FAM83E: variants seen among roughly 807,000 people sequenced by gnomAD.
The protein encoded by FAM83E is protein FAM83E.
Under a neutral mutation model 34.3 loss-of-function variants are expected in FAM83E, and 29 were observed. The observed-to-expected ratio is 0.85, with a 90% CI of 0.63 to 1.15. FAM83E has a LOEUF of 1.15. Ranked by LOEUF, FAM83E falls within the 50% of genes most tolerant of loss-of-function variation. The pLI is 0.00. For synonymous variants in FAM83E, 312 were observed against 311.6 expected (o/e 1.00, Z -0.01); for missense variants, 697 against 685.0 (o/e 1.02, Z -0.20).
chr19:48,613,524 A>C lies in FAM83E; in HGVS notation c.-152T>G. 7.0e-7 allele frequency: 1 copy of C among 1,425,096 alleles called. No homozygotes were observed. The highest frequency in any genetic ancestry group is 9.1e-7 in the Non-Finnish European group (1 of 1,094,082). The allele number at this position is 1,425,096 out of a possible 1,614,324, so 88.3% of individuals were successfully genotyped here. A position where few individuals can be genotyped will look rare whatever the true frequency, so the allele number is the denominator to read the frequency against. On this transcript the variant is annotated 5_prime_UTR_variant, in exon 3 of 7. Transcript: ENST00000263266. ...CCGGCGGGGCCCTGCAGATGTCCAA[A>C]TGGCTCCCTGCAGCAGCCCCTGCCA... is the stretch of plus-strand genomic sequence containing the variant.
In FAM83E at chr19:48,614,837, G is replaced by C. The variant is rs1032503993; in HGVS notation, c.-1385C>G. On this transcript the variant is annotated splice_region_variant and 5_prime_UTR_variant, in exon 2 of 7. Transcript: ENST00000263266. ...CTTCTGGCCTCACTCATCAGGCCTC[G>C]ACCTGGAATCCAGGGAGCCCGGCCC... 6 of 974,822 alleles carry C rather than the reference G, an allele frequency of 6.2e-6. No homozygotes were observed. The Admixed American group carries it at 2.5e-4, about 40-fold the overall frequency. The allele number at this position is 974,822 out of a possible 1,614,324, so 60.4% of individuals were successfully genotyped here. A position where few individuals can be genotyped will look rare whatever the true frequency, so the allele number is the denominator to read the frequency against.
rs560890077 is a variant in FAM83E at position 48,603,781 on chromosome 19, G to C, written c.889C>G (p.Gln297Glu). 5.0e-5 allele frequency: 79 copies of C among 1,589,830 alleles called. No homozygotes were observed. The highest frequency in any genetic ancestry group is 3.8e-4 in the African/African-American group (28 of 72,758). The change falls in exon 6 of 7, where the codon CAG becomes GAG. Residue 297 changes from glutamine (Q) to glutamate (E), a missense_variant. Gln to Glu is a conservative substitution (Grantham distance 29). Transcript: ENST00000263266. ...AGGCCACCTATGACCGAGGGTTTCT[G>C]GGGGGGCGCAGGTGGGAGCGGGCAG... Reference protein sequence around the residue: ...ASCPLPPAPPQKPSVIGGLQR... With the variant: ...ASCPLPPAPPEKPSVIGGLQR...
At position 48,613,490 on chromosome 19, in the gene FAM83E, C is replaced by A. The variant is rs1974089969; in HGVS notation, c.-118G>T. 7 of 1,430,030 alleles carry A rather than the reference C, an allele frequency of 4.9e-6. 1 individual carries two copies. In the Admixed American group the frequency reaches 8.5e-5, roughly 17 times the overall value. 88.6% of individuals were successfully genotyped at this position (1,430,030 alleles called of 1,614,324 possible). On this transcript the variant is annotated 5_prime_UTR_variant, in exon 3 of 7. Coordinates refer to ENST00000263266, the MANE Select transcript of FAM83E (RefSeq NM_017708.4). ...TGATAGGCAGACCCTACGTGGCCAT[C>A]CGAGGCCTCCGGCGGGGCCCTGCAG...
In FAM83E at chr19:48,613,065, C is replaced by A. The variant is rs945947769; in HGVS notation, c.308G>T (p.Gly103Val). 1 of 1,606,636 alleles carries A rather than the reference C, an allele frequency of 6.2e-7. No individual in the cohort carries two copies. Among genetic ancestry groups the A allele is most frequent in the African/African-American group, 1.3e-5 (1 of 74,856 alleles). Residue 103 changes from glycine (G) to valine (V), a missense_variant, in exon 3 of 7, where the codon GGG becomes GTG. By Grantham distance (109) the Gly-to-Val change is moderately radical. Coordinates refer to ENST00000263266, the MANE Select transcript of FAM83E (RefSeq NM_017708.4). Reference protein sequence around the residue: ...VDAGSLSYWPGQSEQPAPVLR... With the variant: ...VDAGSLSYWPVQSEQPAPVLR... ...GACGGGCGCCGGCTGCTCCGACTGC[C>A]CAGGCCAGTAGCTCAGGCTGCCCGC...
In FAM83E at chr19:48,614,640, G is replaced by A. The variant is rs995391905; in HGVS notation, c.-1255-13C>T. 5.1e-6 allele frequency: 5 copies of A among 984,558 alleles called. No homozygotes were observed. The highest frequency in any genetic ancestry group is 1.7e-5 in the African/African-American group (1 of 57,224). The allele number at this position is 984,558 out of a possible 1,614,324, so 61.0% of individuals were successfully genotyped here. A position where few individuals can be genotyped will look rare whatever the true frequency, so the allele number is the denominator to read the frequency against. ...CCACAGCAGGGAGCTGCAAAGAGAAGAAAGGAGTCAAGGCAGGCCAGCCTC... is the reference window on the plus strand; with the variant it reads ...CCACAGCAGGGAGCTGCAAAGAGAAAAAAGGAGTCAAGGCAGGCCAGCCTC... On this transcript the variant is annotated splice_polypyrimidine_tract_variant and intron_variant, in intron 2 of 6. Transcript: ENST00000263266.
At position 48,603,658 on chromosome 19, in the gene FAM83E, C is replaced by G. The variant is rs780828161; in HGVS notation, c.1012G>C (p.Ala338Pro). Residue 338 changes from alanine to proline, a missense_variant, in exon 6 of 7, where the codon GCC becomes CCC. Coordinates refer to ENST00000263266, the MANE Select transcript of FAM83E (RefSeq NM_017708.4). ...GGGGTAGCAGGGGAGACGCGGCAGG[C>G]GGCCAGGCGGTGGGCCAGCGGGCCG... ...PDGPLAHRLAACRVSPATPGP... is the reference protein window; with the variant it reads ...PDGPLAHRLAPCRVSPATPGP... 2.3e-6 allele frequency: 3 copies of G among 1,311,298 alleles called. No homozygotes were observed. The Admixed American group carries it at 1.1e-4, about 48-fold the overall frequency. 81.2% of individuals were successfully genotyped at this position (1,311,298 alleles called of 1,614,324 possible). A position where few individuals can be genotyped will look rare whatever the true frequency, so the allele number is the denominator to read the frequency against.
chr19:48,600,049 A>G lies in FAM83E; in HGVS notation c.*1060T>C, dbSNP rs1027271844. On this transcript the variant is annotated 3_prime_UTR_variant, in exon 7 of 7. Transcript: ENST00000263266. The stretch of plus-strand genomic sequence containing the variant: ...CTCAGCGCCCACAGAAAGTCCCACC[A>G]CCCACCCTGTTCCCCTGTGGCTGTA... Among the ~76,000 whole-genome samples, 90 of 152,258 alleles carry G rather than the reference A, an allele frequency of 5.9e-4. No homozygotes were observed. The highest frequency in any genetic ancestry group is 2.0e-3 in the African/African-American group (84 of 41,556).
chr19:48,604,939 G>C (rs1327839286), intron 5 of FAM83E, among the ~76,000 whole-genome samples: 1 of 146,572 alleles, frequency 6.8e-6, no homozygotes, highest in Non-Finnish European at 1.5e-5. Flanking sequence ...AGAATTGCTT[G>C]AACCCGGGAG....
intron 4 of FAM83E, 47 bp from the exon 5 acceptor site, chr19:48,610,047 C>T: frequency 6.3e-7 from 1 of 1,594,984 alleles, no homozygotes. Context: ...AGGCCCACTG[C>T]ATGGATTCAG....
Position 48,614,859 on chromosome 19 carries a change from G to A in FAM83E, c.-1387-20C>T. 1 of 949,634 alleles carries A rather than the reference G, an allele frequency of 1.1e-6. No individual in the cohort carries two copies. The highest frequency in any genetic ancestry group is 1.3e-6 in the Non-Finnish European group (1 of 797,142). The allele number at this position is 949,634 out of a possible 1,614,324, so 58.8% of individuals were successfully genotyped here. ...CTCGACCTGGAATCCAGGGAGCCCG[G>A]CCCCTTGTGTAAACACAGGAGGGCC... On this transcript the variant is annotated intron_variant, in intron 1 of 6. Coordinates refer to ENST00000263266, the MANE Select transcript of FAM83E (RefSeq NM_017708.4).
Position 48,613,480 on chromosome 19 carries a change from A to T in FAM83E, c.-108T>A, listed in dbSNP as rs751482889. The T allele has an allele frequency of 1.5e-5, 21 of 1,431,886 alleles. No individual in the cohort carries two copies. The highest frequency in any genetic ancestry group is 4.3e-5 in the African/African-American group (3 of 69,698). 88.7% of individuals were successfully genotyped at this position (1,431,886 alleles called of 1,614,324 possible). A position where few individuals can be genotyped will look rare whatever the true frequency, so the allele number is the denominator to read the frequency against. On this transcript the variant is annotated 5_prime_UTR_variant, in exon 3 of 7. An upstream open reading frame in the 5' UTR loses its in-frame stop. Coordinates refer to ENST00000263266, the MANE Select transcript of FAM83E (RefSeq NM_017708.4). ...GGGGTTCTCCTGATAGGCAGACCCT[A>T]CGTGGCCATCCGAGGCCTCCGGCGG...
chr19:48,613,156 C>T lies in FAM83E; in HGVS notation c.217G>A (p.Asp73Asn). ...GGCTCCTGCTTGGCCACTGTCCAGT[C>T]TTCAGCTGCCGCTGCCAAGCCCTGA... Reference protein sequence around the residue: ...EVQGLAAAAEDWTVAKQEPSG... With the variant: ...EVQGLAAAAENWTVAKQEPSG... The change falls in exon 3 of 7, where the codon GAC (aspartate) becomes AAC (asparagine). Residue 73 changes from aspartate to asparagine, a missense_variant. Physicochemically the swap from Asp to Asn is conservative, Grantham distance 23 (BLOSUM62 1). Coordinates refer to ENST00000263266, the MANE Select transcript of FAM83E (RefSeq NM_017708.4). 1.9e-6 allele frequency: 3 copies of T among 1,612,044 alleles called. No homozygotes were observed. Among genetic ancestry groups the T allele is most frequent in the Non-Finnish European group, 2.5e-6 (3 of 1,179,894 alleles).
At chr19:48,603,269 G>C (rs1475624499) in intron 6 of FAM83E, among the ~76,000 whole-genome samples, 1 of 152,052 alleles carries the variant, frequency 6.6e-6, no homozygotes, top group Non-Finnish European at 1.5e-5. Context: ...TTGCACCCAG[G>C]GCTCTCCTGT....
rs374553536 is a variant in FAM83E at position 48,613,225 on chromosome 19, C to A, written c.148G>T (p.Val50Leu). 2 of 1,610,916 alleles carry A rather than the reference C, an allele frequency of 1.2e-6. No individual in the cohort carries two copies. Among genetic ancestry groups the A allele is most frequent in the Non-Finnish European group, 1.7e-6 (2 of 1,179,924 alleles). Residue 50 changes from valine to leucine, a missense_variant, in exon 3 of 7, where the codon GTG becomes TTG. Coordinates refer to ENST00000263266, the MANE Select transcript of FAM83E (RefSeq NM_017708.4). Reference protein sequence around the residue: ...SKGAEAFQTCVQREELWPFLS... With the variant: ...SKGAEAFQTCLQREELWPFLS... ...AAGGGCCACAGCTCCTCGCGCTGCACGCAGGTCTGGAACGCCTCCGCGCCC... is the reference window on the plus strand; with the variant it reads ...AAGGGCCACAGCTCCTCGCGCTGCAAGCAGGTCTGGAACGCCTCCGCGCCC...
intron 5 of FAM83E, among the ~76,000 whole-genome samples, chr19:48,606,465 C>T (rs995068066): frequency 1.1e-4 from 16 of 152,222 alleles, no homozygotes; most frequent in African/African-American, 3.9e-4. Flanking sequence ...TTTCCCCAGC[C>T]TTAGTTTACC....
chr19:48,609,783 C>T, intron 5 of FAM83E, 93 bp downstream of exon 5: 1 of 1,389,850 alleles, frequency 7.2e-7, no homozygotes, highest in South Asian at 1.2e-5. Context: ...AAAAGAGAGG[C>T]CTGGGCAAGG....
rs149710422 is a variant in FAM83E, at chr19:48,601,638, G to A, written c.1177-269C>T. ...AAATTAGCCTGAGGTGGTGGTGGGC[G>A]CCTGTAATCCTAGCTACTCGGGAGG... On this transcript the variant is annotated intron_variant, in intron 6 of 6. Transcript: ENST00000263266. 6.4e-3 allele frequency among the ~76,000 whole-genome samples: 974 copies of A among 152,106 alleles called. 16 individuals are homozygous for A. The highest frequency in any genetic ancestry group is 0.022 in the African/African-American group (915 of 41,478).
At position 48,603,838 on chromosome 19, in the gene FAM83E, T is replaced by G; in HGVS notation, c.832A>C (p.Ser278Arg). 2 of 1,609,060 alleles carry G rather than the reference T, an allele frequency of 1.2e-6. No individual in the cohort carries two copies. The highest frequency in any genetic ancestry group is 1.7e-6 in the Non-Finnish European group (2 of 1,177,770). Residue 278 changes from serine to arginine, a missense_variant, in exon 6 of 7, where the codon AGC (serine) becomes CGC (arginine). Physicochemically the swap from Ser to Arg is moderately radical, Grantham distance 110 (BLOSUM62 -1). Transcript: ENST00000263266. ...LLTGEIVDAF[S>R]LEFRTLYAAS... ...GCGTACAGCGTCCGGAACTCAAGGCTGAAGGCGTCAACAATTTCACCAGTC... is the reference window on the plus strand; with the variant it reads ...GCGTACAGCGTCCGGAACTCAAGGCGGAAGGCGTCAACAATTTCACCAGTC...
intron 4 of FAM83E, among the ~76,000 whole-genome samples, chr19:48,610,228 G>A (rs1344048564): frequency 3.3e-5 from 5 of 151,730 alleles, no homozygotes; most frequent in East Asian, 1.9e-4. Flanking sequence ...GCGAAACCCC[G>A]TCTCTACTAA....
Sources: gnomAD v4.1 joint callset for allele counts (sites outside exome capture counted in the v4.1 genomes callset) on GRCh38, gnomAD v4.1.1 for gene constraint, MANE v1.5 for transcripts, NCBI Gene and HGNC (gene_info 2026-07-23, HGNC 2026-07-21) for gene names.